FAM13C: variants seen among roughly 807,000 people sequenced by gnomAD.
FAM13C encodes the protein family with sequence similarity 13 member C, also known as protein FAM13C.
Under a neutral mutation model 73.2 loss-of-function variants are expected in FAM13C, and 37 were observed. The ratio of observed to expected loss-of-function variants is 0.51; its 90% confidence interval spans 0.39 to 0.67. The LOEUF is 0.67. Ranked by LOEUF, FAM13C falls within the 30% of genes least tolerant of loss-of-function variation. FAM13C has a pLI of 0.00. For synonymous variants in FAM13C, 246 were observed against 260.9 expected (o/e 0.94, Z 0.55); for missense variants, 589 against 715.6 (o/e 0.82, Z 2.02).
Position 59,324,091 on chromosome 10 carries a change from C to T in FAM13C, c.340G>A (p.Val114Ile), listed in dbSNP as rs1042408234. 1 of 1,613,532 alleles carries T rather than the reference C, an allele frequency of 6.2e-7. No homozygotes were observed. The highest frequency in any genetic ancestry group is 8.5e-7 in the Non-Finnish European group (1 of 1,179,612). ...HGESQETEHV[V>I]SSQSECQVRA... ...ACCTGACACTCTGACTGGCTGGATACCACATGCTCTGTCTCCTGCAAGAAG... is the reference window on the plus strand; with the variant it reads ...ACCTGACACTCTGACTGGCTGGATATCACATGCTCTGTCTCCTGCAAGAAG... Residue 114 changes from valine to isoleucine, a missense_variant, in exon 4 of 14, where the codon GTA becomes ATA. By Grantham distance (29) the Val-to-Ile change is conservative (BLOSUM62 3). Coordinates refer to ENST00000618804, the MANE Select transcript of FAM13C (RefSeq NM_198215.4).
intron 6 of FAM13C, among the ~76,000 whole-genome samples, chr10:59,273,219 C>T (rs1351753365): frequency 6.6e-6 from 1 of 152,112 alleles, no homozygotes; most frequent in Non-Finnish European, 1.5e-5. Context: ...AAAACAAATT[C>T]CTCTTAAAAG....
intron 10 of FAM13C, among the ~76,000 whole-genome samples, chr10:59,255,919 G>A (rs924472463): frequency 6.6e-6 from 1 of 151,832 alleles, no homozygotes; most frequent in East Asian, 1.9e-4. Flanking sequence ...AATTCTCACA[G>A]TACCCAATAC....
chr10:59,338,455 C>A (rs1249328526), intron 3 of FAM13C, among the ~76,000 whole-genome samples: 1 of 152,158 alleles, frequency 6.6e-6, no homozygotes, highest in African/African-American at 2.4e-5. Flanking sequence ...AAAACCTGGA[C>A]TGATGGTCAA....
In FAM13C at chr10:59,256,415, A is replaced by G. The variant is rs79888941; in HGVS notation, c.1237-1972T>C. Among the ~76,000 whole-genome samples the G allele has an allele frequency of 9.6e-3, 1,459 of 152,290 alleles. 5 individuals are homozygous for G. The highest frequency in any genetic ancestry group is 0.021 in the Admixed American group (316 of 15,300). ...AATTCTAAAAGGAAAAAGTGACCAAAACACACATTAGAATGATGAATGCCA... is the reference window on the plus strand; with the variant it reads ...AATTCTAAAAGGAAAAAGTGACCAAGACACACATTAGAATGATGAATGCCA... On this transcript the variant is annotated intron_variant, in intron 10 of 13. Transcript: ENST00000618804.
At chr10:59,303,465 A>G (rs1013436819) in intron 4 of FAM13C, among the ~76,000 whole-genome samples, 5 of 152,240 alleles carry the variant, frequency 3.3e-5, no homozygotes, top group African/African-American at 1.2e-4. Context: ...AAAATTCAAT[A>G]ATTGTTTTGA....
chr10:59,317,882 T>C (rs1290669449), intron 4 of FAM13C, among the ~76,000 whole-genome samples: 2 of 152,064 alleles, frequency 1.3e-5, no homozygotes, highest in African/African-American at 4.8e-5. Context: ...CTCCTAATGC[T>C]ATCCCTCCCC....
chr10:59,352,185 T>C (rs1855133287), intron 3 of FAM13C, 85 bp downstream of exon 3: 1 of 1,479,726 alleles, frequency 6.8e-7, no homozygotes, highest in Non-Finnish European at 9.3e-7. Context: ...CGCAAAACAG[T>C]GCGCTCAAAT....
rs530823813 is a variant in FAM13C, at chr10:59,317,320, C to A, written c.443+6668G>T. ...AACACTTAACCAGCTGGTCAAAGTTCTAAATTAGGTTTAAATTTATACATT... is the reference window on the plus strand; with the variant it reads ...AACACTTAACCAGCTGGTCAAAGTTATAAATTAGGTTTAAATTTATACATT... On this transcript the variant is annotated intron_variant, in intron 4 of 13. Coordinates refer to ENST00000618804, the MANE Select transcript of FAM13C (RefSeq NM_198215.4). Among the ~76,000 whole-genome samples the A allele has an allele frequency of 3.3e-5, 5 of 152,184 alleles. No individual in the cohort carries two copies. In the South Asian group the frequency reaches 1.0e-3, roughly 31 times the overall value.
intron 13 of FAM13C, among the ~76,000 whole-genome samples, chr10:59,249,688 A>AT (rs1841181622): frequency 6.6e-6 from 1 of 152,130 alleles, no homozygotes; most frequent in Non-Finnish European, 1.5e-5. Flanking sequence ...AATGTCTTAG[A>AT]TAAACAAAAT....
chr10:59,342,240 T>C (rs547855336), intron 3 of FAM13C, among the ~76,000 whole-genome samples: 7 of 152,218 alleles, frequency 4.6e-5, no homozygotes, highest in Non-Finnish European at 7.4e-5. Flanking sequence ...AGTGAGCAGC[T>C]TTTTCCAGGA....
chr10:59,325,357 C>T (rs1019893542), intron 3 of FAM13C, among the ~76,000 whole-genome samples: 1 of 152,082 alleles, frequency 6.6e-6, no homozygotes, highest in Non-Finnish European at 1.5e-5. Context: ...ATATGAATGC[C>T]TTCATACAAA....
intron 3 of FAM13C, among the ~76,000 whole-genome samples, chr10:59,349,329 C>T (rs1854720259): frequency 6.6e-6 from 1 of 152,194 alleles, no homozygotes; most frequent in South Asian, 2.1e-4. Context: ...ACACTTTAAA[C>T]AATTGACACT....
intron 4 of FAM13C, among the ~76,000 whole-genome samples, chr10:59,311,691 A>G (rs112039142): frequency 5.0e-4 from 76 of 152,318 alleles, no homozygotes; most frequent in African/African-American, 1.7e-3. Flanking sequence ...CATGTGTGGC[A>G]GATTTAACTC....
intron 4 of FAM13C, among the ~76,000 whole-genome samples, chr10:59,316,169 A>C (rs1239455000): frequency 6.6e-6 from 1 of 152,114 alleles, no homozygotes; most frequent in Non-Finnish European, 1.5e-5. Flanking sequence ...TCCTGGCCTC[A>C]AGTGATCTGC....
At chr10:59,286,687 G>A (rs553308974) in intron 5 of FAM13C, among the ~76,000 whole-genome samples, 1 of 151,394 alleles carries the variant, frequency 6.6e-6, no homozygotes, top group Non-Finnish European at 1.5e-5. Context: ...TGGTAGTGAT[G>A]GTTGCCCAAC....
Position 59,249,372 on chromosome 10 carries a change from C to G in FAM13C, c.1635-1635G>C, listed in dbSNP as rs541450069. ...TGAGCCGAGATCGCGTCACTGCACTCCAGCCCAGGTGACAGAGTGAGACTC... is the reference window on the plus strand; with the variant it reads ...TGAGCCGAGATCGCGTCACTGCACTGCAGCCCAGGTGACAGAGTGAGACTC... On this transcript the variant is annotated intron_variant, in intron 13 of 13. Coordinates refer to ENST00000618804, the MANE Select transcript of FAM13C (RefSeq NM_198215.4). Among the ~76,000 whole-genome samples the G allele has an allele frequency of 7.6e-5, 11 of 145,658 alleles. No homozygotes were observed. In the South Asian group the frequency reaches 2.4e-3, roughly 32 times the overall value.
rs1841716097 is a variant in FAM13C at position 59,254,320 on chromosome 10, G to A, written c.1332+28C>T. The A allele has an allele frequency of 8.3e-6, 12 of 1,452,322 alleles. No homozygotes were observed. In the African/African-American group the frequency reaches 1.7e-4, roughly 21 times the overall value. 90.0% of individuals were successfully genotyped at this position (1,452,322 alleles called of 1,614,324 possible). A position where few individuals can be genotyped will look rare whatever the true frequency, so the allele number is the denominator to read the frequency against. On this transcript the variant is annotated intron_variant, in intron 11 of 13. Transcript: ENST00000618804. ...CCTGTTAACTACACATCAGTACAAA[G>A]TAACAGCATGCAAGTATCCTGACTT...
At chr10:59,249,215 T>C (rs1054782051) in intron 13 of FAM13C, among the ~76,000 whole-genome samples, 1 of 151,954 alleles carries the variant, frequency 6.6e-6, no homozygotes, top group African/African-American at 2.4e-5. Flanking sequence ...CCATCCTGGC[T>C]AACATGGTGA....
intron 4 of FAM13C, among the ~76,000 whole-genome samples, chr10:59,306,575 C>T (rs776195384): frequency 1.3e-5 from 2 of 152,096 alleles, no homozygotes; most frequent in South Asian, 2.1e-4. Flanking sequence ...AAAGGGTTGA[C>T]GTTAGAATGG....
Sources: allele counts gnomAD v4.1 joint callset (sites outside exome capture counted in the v4.1 genomes callset), GRCh38; gene constraint gnomAD v4.1.1; transcripts MANE v1.5; gene names NCBI Gene and HGNC (gene_info 2026-07-23, HGNC 2026-07-21).